The following TTC29 variants were observed in gnomAD, a reference collection of about 807,000 sequenced individuals.
TTC29 encodes the protein tetratricopeptide repeat domain 29, also known as tetratricopeptide repeat protein 29.
TTC29 carries 49 observed loss-of-function variants against 58.1 expected under a neutral mutation model. The observed-to-expected ratio is 0.84, with a 90% CI of 0.67 to 1.07. TTC29 has a LOEUF of 1.07. TTC29 is among the 50% of genes least tolerant of loss of function. The probability of loss-of-function intolerance (pLI) is 0.00; values close to 1 mark genes in which losing one functional copy is unlikely to be tolerated. For synonymous variants in TTC29, 209 were observed against 196.8 expected, an observed-to-expected ratio of 1.06 and a Z score of -0.52; for missense variants, 582 against 555.6, an observed-to-expected ratio of 1.05 and a Z score of -0.48.
At chr4:146,713,422 A>G (rs1421836765) in intron 11 of TTC29, among the ~76,000 whole-genome samples, 1 of 152,106 alleles carries the variant, frequency 6.6e-6, no homozygotes, top group African/African-American at 2.4e-5. Context: ...CACTCTATCA[A>G]AAATATGTGA....
intron 4 of TTC29, among the ~76,000 whole-genome samples, chr4:146,933,275 AG>A (rs1041447813): frequency 3.9e-5 from 6 of 152,216 alleles, no homozygotes; most frequent in African/African-American, 1.4e-4. Flanking sequence ...TCTGCATAAT[AG>A]AACTTCATAT....
intron 11 of TTC29, among the ~76,000 whole-genome samples, chr4:146,779,375 T>C (rs1056344746): frequency 4.6e-5 from 7 of 152,100 alleles, no homozygotes; most frequent in Non-Finnish European, 1.0e-4. Flanking sequence ...AGGTATAGCA[T>C]AAGTGCATAA....
At chr4:146,933,673 G>A (rs1185677300) in intron 4 of TTC29, among the ~76,000 whole-genome samples, 2 of 152,188 alleles carry the variant, frequency 1.3e-5, no homozygotes, top group Non-Finnish European at 2.9e-5. Flanking sequence ...AATATGGAAT[G>A]TGAATACAAT....
At chr4:146,753,941 TATA>T (rs770799523) in intron 11 of TTC29, among the ~76,000 whole-genome samples, 7 of 151,896 alleles carry the variant, frequency 4.6e-5, no homozygotes, top group Non-Finnish European at 8.8e-5. Flanking sequence ...CATTAGGAGA[TATA>T]CCTAATGCTA....
Position 146,707,161 on chromosome 4 carries a change from A to C in TTC29, c.1425T>G (p.Thr475=), listed in dbSNP as rs1465913748. ...TGATGTTAAGTGAAAAGCTGCTTTA[A>C]GTTTCATTTTTTTGATCACCTGGAA... ...SRFPGDQKNE[T] The change falls in exon 13 of 13, where the codon ACT becomes ACG. Residue 475 remains threonine, a synonymous_variant. Coordinates refer to ENST00000325106, the MANE Select transcript of TTC29 (RefSeq NM_031956.4). 2.6e-6 allele frequency: 4 copies of C among 1,529,018 alleles called. No homozygotes were observed. The highest frequency in any genetic ancestry group is 2.8e-5 in the African/African-American group (2 of 72,420). The allele number at this position is 1,529,018 out of a possible 1,614,324, so 94.7% of individuals were successfully genotyped here.
At chr4:146,779,142 T>C (rs946229057) in intron 11 of TTC29, among the ~76,000 whole-genome samples, 2 of 152,036 alleles carry the variant, frequency 1.3e-5, no homozygotes, top group Admixed American at 6.6e-5. Flanking sequence ...AAAAATAATT[T>C]ATAGCTATAA....
chr4:146,788,061 C>T (rs1015696117), intron 11 of TTC29, among the ~76,000 whole-genome samples: 4 of 152,146 alleles, frequency 2.6e-5, no homozygotes, highest in African/African-American at 4.8e-5. Flanking sequence ...TGAAACTGAT[C>T]GACTGAAACC....
intron 8 of TTC29, among the ~76,000 whole-genome samples, chr4:146,835,242 T>C (rs1171661122): frequency 6.6e-6 from 1 of 152,156 alleles, no homozygotes; most frequent in East Asian, 1.9e-4. Context: ...CACACCAACA[T>C]TTTTAAGTCT....
chr4:146,857,277 AGTGT>A (rs70958531), intron 8 of TTC29, among the ~76,000 whole-genome samples: 3 of 149,320 alleles, frequency 2.0e-5, no homozygotes, highest in South Asian at 4.2e-4. Flanking sequence ...CTAGTGGAAG[AGTGT>A]GTGTGTGTGT....
intron 4 of TTC29, among the ~76,000 whole-genome samples, chr4:146,914,413 T>C (rs1048443471): frequency 6.6e-6 from 1 of 152,198 alleles, no homozygotes; most frequent in Non-Finnish European, 1.5e-5. Flanking sequence ...CTTTTATGAA[T>C]ATTAGTCTAA....
chr4:146,747,333 A>T (rs564135272), intron 11 of TTC29, among the ~76,000 whole-genome samples: 7 of 152,238 alleles, frequency 4.6e-5, no homozygotes, highest in African/African-American at 1.4e-4. Flanking sequence ...GTGAGTAGCC[A>T]TTACGTCCTT....
intron 4 of TTC29, among the ~76,000 whole-genome samples, chr4:146,931,152 G>T (rs2150318301): frequency 6.6e-6 from 1 of 152,032 alleles, no homozygotes; most frequent in South Asian, 2.1e-4. Flanking sequence ...AGTTCAATCT[G>T]GGCAACATAG....
intron 11 of TTC29, among the ~76,000 whole-genome samples, chr4:146,725,274 C>G (rs1743686522): frequency 1.3e-5 from 2 of 152,134 alleles, no homozygotes; most frequent in South Asian, 4.1e-4. Flanking sequence ...TAGATCACAC[C>G]TGTAATCCCA....
intron 11 of TTC29, among the ~76,000 whole-genome samples, chr4:146,760,956 A>G (rs1746851430): frequency 6.6e-6 from 1 of 151,508 alleles, no homozygotes; most frequent in Admixed American, 6.6e-5. Context: ...ATTGGAGACT[A>G]TTATTCTATT....
chr4:146,867,362 G>A (rs960677346), intron 8 of TTC29, 136 bp downstream of exon 8: 1 of 439,482 alleles, frequency 2.3e-6, no homozygotes, highest in South Asian at 6.8e-5. Context: ...TTGCTATTCT[G>A]CTTTAATCTC....
intron 2 of TTC29, among the ~76,000 whole-genome samples, chr4:146,944,572 T>C (rs1185592380): frequency 6.6e-6 from 1 of 152,164 alleles, no homozygotes; most frequent in Non-Finnish European, 1.5e-5. Context: ...AGAATGACTA[T>C]GTCTGAGGCT....
chr4:146,803,387 T>C, intron 11 of TTC29, 70 bp downstream of exon 11: 1 of 1,145,228 alleles, frequency 8.7e-7, no homozygotes, highest in East Asian at 2.6e-5. Flanking sequence ...GAGTGAAACT[T>C]TCCAATGAAA....
intron 11 of TTC29, among the ~76,000 whole-genome samples, chr4:146,722,877 T>G (rs1416927090): frequency 6.6e-6 from 1 of 152,122 alleles, no homozygotes; most frequent in Non-Finnish European, 1.5e-5. Flanking sequence ...TTTGTATTTT[T>G]AGTAGAGACA....
In TTC29 at chr4:146,809,773, G is replaced by A. The variant is rs536000449; in HGVS notation, c.1102-6088C>T. On this transcript the variant is annotated intron_variant, in intron 10 of 12. Coordinates refer to ENST00000325106, the MANE Select transcript of TTC29 (RefSeq NM_031956.4). ...AAAAACTCAGGAAACAACAGATGCC[G>A]GAGAGAATGTGGAGAAATAGAAACG... Among the ~76,000 whole-genome samples the A allele has an allele frequency of 9.3e-5, 14 of 150,016 alleles. No individual in the cohort carries two copies. In the South Asian group the frequency reaches 1.5e-3, roughly 16 times the overall value.
Sources: gnomAD v4.1 joint callset for allele counts (sites outside exome capture counted in the v4.1 genomes callset) on GRCh38, gnomAD v4.1.1 for gene constraint, MANE v1.5 for transcripts, NCBI Gene and HGNC (gene_info 2026-07-23, HGNC 2026-07-21) for gene names.